TIAM2: variants seen among roughly 807,000 people sequenced by gnomAD.
TIAM2 encodes rho guanine nucleotide exchange factor TIAM2.
Under a neutral mutation model 152.9 loss-of-function variants are expected in TIAM2, and 80 were observed. That is an observed-to-expected ratio of 0.52 (90% CI 0.44 to 0.63). TIAM2 has a LOEUF of 0.63. Among genes scored for constraint, TIAM2 ranks in the 30% least tolerant of loss-of-function variants. The probability of loss-of-function intolerance (pLI) is 0.00; values close to 1 mark genes in which losing one functional copy is unlikely to be tolerated. For synonymous variants in TIAM2, 804 were observed against 838.0 expected (o/e 0.96, Z 0.70); for missense variants, 1,965 against 2,120.1 (o/e 0.93, Z 1.44).
intron 2 of TIAM2, among the ~76,000 whole-genome samples, chr6:155,108,179 G>A (rs1305750759): frequency 2.6e-5 from 4 of 152,176 alleles, no homozygotes; most frequent in Admixed American, 6.5e-5. Flanking sequence ...GGCAGGCTAC[G>A]TGGGTTCGTT....
Position 155,253,372 on chromosome 6 carries a change from A to G in TIAM2, c.4225+319A>G, listed in dbSNP as rs557553697. Reference sequence around the variant, plus strand: ...CAAAGATCCACAAATTTATGTTTTTACAAATTTAGAATATAGCAGAAAATT... The same window carrying G: ...CAAAGATCCACAAATTTATGTTTTTGCAAATTTAGAATATAGCAGAAAATT... On this transcript the variant is annotated intron_variant, in intron 24 of 26. Transcript: ENST00000682666. The G allele has an allele frequency of 2.4e-5, 7 of 292,822 alleles. 1 individual carries two copies. The East Asian group carries it at 5.0e-4, about 21-fold the overall frequency. 18.1% of individuals were successfully genotyped at this position (292,822 alleles called of 1,614,324 possible). A position where few individuals can be genotyped will look rare whatever the true frequency, so the allele number is the denominator to read the frequency against.
chr6:155,116,191 G>A lies in TIAM2; in HGVS notation c.-117-11299G>A, dbSNP rs180815416. Among the ~76,000 whole-genome samples, 478 of 152,292 alleles carry A rather than the reference G, an allele frequency of 3.1e-3. 2 individuals carry two copies. Among genetic ancestry groups the A allele is most frequent in the African/African-American group, 0.011 (462 of 41,562 alleles). ...AAAAATGTTAAATTTCTATAAATTAGCAAATTTAAACTATACCAACTAGTA... is the reference window on the plus strand; with the variant it reads ...AAAAATGTTAAATTTCTATAAATTAACAAATTTAAACTATACCAACTAGTA... On this transcript the variant is annotated intron_variant, in intron 2 of 26. Transcript: ENST00000682666.
intron 7 of TIAM2, chr6:155,149,072 G>T (rs923665452): frequency 6.0e-6 from 1 of 167,114 alleles, no homozygotes; most frequent in Admixed American, 6.5e-5. Flanking sequence ...TGGAGTGAGG[G>T]AGCAGGATCT....
chr6:155,123,185 GTTT>G (rs34702441), intron 2 of TIAM2, among the ~76,000 whole-genome samples: 1 of 148,072 alleles, frequency 6.8e-6, no homozygotes, highest in African/African-American at 2.5e-5. Context: ...GTTTAAGGCT[GTTT>G]TTTTTTTTCT....
Position 155,129,818 on chromosome 6 carries a change from A to T in TIAM2, c.595A>T (p.Arg199Trp). 1 of 1,613,646 alleles carries T rather than the reference A, an allele frequency of 6.2e-7. No individual in the cohort carries two copies. The highest frequency in any genetic ancestry group is 8.5e-7 in the Non-Finnish European group (1 of 1,180,022). ...EDCSEPVQLL[R>W]YSPTLASETS... Reference sequence around the variant, plus strand: ...CTGCAGTGAGCCGGTGCAGCTGCTGAGGTACTCACCTACCTTAGCATCGGA... The same window carrying T: ...CTGCAGTGAGCCGGTGCAGCTGCTGTGGTACTCACCTACCTTAGCATCGGA... The change falls in exon 4 of 27, where the codon AGG (arginine) becomes TGG (tryptophan). Residue 199 changes from arginine to tryptophan, a missense_variant. This residue lies in a region of TIAM2 where 1,025 missense variants were observed against 1,119.4 expected (regional missense o/e 0.92). Transcript: ENST00000682666. This position sits in a 1 kb window ranked among gnomAD's most constrained non-coding sequence, Gnocchi z 4.8.
chr6:155,033,667 C>A (rs190540070), intron 1 of TIAM2, among the ~76,000 whole-genome samples: 10 of 151,870 alleles, frequency 6.6e-5, no homozygotes, highest in African/African-American at 2.4e-4. Flanking sequence ...GAAGTAACTT[C>A]TGCCATTGGC....
At chr6:155,239,494 T>C (rs539650190) in intron 15 of TIAM2, among the ~76,000 whole-genome samples, 15 of 152,208 alleles carry the variant, frequency 9.9e-5, no homozygotes, top group Non-Finnish European at 2.2e-4. Flanking sequence ...AAGGACACTT[T>C]GTAATCTGAC....
In TIAM2 at chr6:155,129,505, C is replaced by T. The variant is rs1189193585; in HGVS notation, c.282C>T (p.His94=). The T allele has an allele frequency of 2.5e-6, 4 of 1,614,178 alleles. No homozygotes were observed. The highest frequency in any genetic ancestry group is 2.2e-5 in the East Asian group (1 of 44,864). The change falls in exon 4 of 27, where the codon CAC becomes CAT. Residue 94 remains histidine (H), a synonymous_variant. Coordinates refer to ENST00000682666, the MANE Select transcript of TIAM2 (RefSeq NM_012454.4). The surrounding 1 kb of genome is among the most constrained non-coding windows in gnomAD (Gnocchi z 4.8). ...CCAGAGGTGTTGCCTACTCCACGCA[C>T]AGGACAAATGCCCCAGGGAAGGATT... ...KVSRGVAYST[H]RTNAPGKDFQ... is the part of the protein sequence containing the mutation.
rs376419065 is a variant in TIAM2, at chr6:155,256,640, A to G, written c.4625A>G (p.Lys1542Arg). Reference protein sequence around the residue: ...CPTAEGRQDSKSTSPGKYPHP... With the variant: ...CPTAEGRQDSRSTSPGKYPHP... ...ACGGCTGAGGGCAGGCAGGACTCCA[A>G]GAGCACTTCTCCCGGGAAATACCCA... The change falls in exon 27 of 27, where the codon AAG becomes AGG. Residue 1542 changes from lysine (K) to arginine (R), a missense_variant. This residue lies in a region of TIAM2 where 935 missense variants were observed against 980.0 expected (regional missense o/e 0.95). Coordinates refer to ENST00000682666, the MANE Select transcript of TIAM2 (RefSeq NM_012454.4). 3.1e-6 allele frequency: 5 copies of G among 1,614,230 alleles called. 1 individual carries two copies. Among genetic ancestry groups the G allele is most frequent in the Admixed American group, 3.3e-5 (2 of 60,030 alleles).
chr6:155,111,298 TACACACACACACACACACAC>T (rs57988099), intron 2 of TIAM2, among the ~76,000 whole-genome samples: 38 of 138,448 alleles, frequency 2.7e-4, no homozygotes, highest in East Asian at 2.0e-3. Context: ...ATTCTTGGAA[TACACACACACACACACACAC>T]ACACACACAC....
At chr6:155,096,333 A>T (rs1778420278) in intron 2 of TIAM2, among the ~76,000 whole-genome samples, 2 of 152,162 alleles carry the variant, frequency 1.3e-5, no homozygotes, top group South Asian at 4.1e-4. Context: ...TACCTTAAAT[A>T]TTTGTGTTTT....
intron 15 of TIAM2, among the ~76,000 whole-genome samples, chr6:155,212,077 A>G (rs551691217): frequency 2.0e-5 from 3 of 152,224 alleles, no homozygotes; most frequent in African/African-American, 7.2e-5. Context: ...GTAATATTCC[A>G]TTATACGGAT....
At chr6:155,172,641 AATATATATATATATATATATATATAT>A (rs71023629) in intron 9 of TIAM2, among the ~76,000 whole-genome samples, 18 of 39,442 alleles carry the variant, frequency 4.6e-4, no homozygotes, top group South Asian at 1.9e-3. Context: ...GCTAGTTGGA[AATATATATATATATATATATATATAT>A]ATATATATAT....
intron 1 of TIAM2, among the ~76,000 whole-genome samples, chr6:155,007,526 T>G (rs1440202540): frequency 6.6e-6 from 1 of 152,130 alleles, no homozygotes; most frequent in East Asian, 1.9e-4. Context: ...ATCTGGTTTC[T>G]AAAGAAGAGG....
At chr6:155,103,239 C>G (rs531636316) in intron 2 of TIAM2, among the ~76,000 whole-genome samples, 1 of 152,192 alleles carries the variant, frequency 6.6e-6, no homozygotes, top group East Asian at 1.9e-4. Context: ...CCCCAAGTGA[C>G]TTTATAAATT....
rs567096239 is a variant in TIAM2, at chr6:155,128,707, A to C, written c.-6-511A>C. 5.9e-3 allele frequency among the ~76,000 whole-genome samples: 897 copies of C among 151,790 alleles called. 4 individuals carry two copies. The highest frequency in any genetic ancestry group is 9.7e-3 in the Non-Finnish European group (657 of 67,924). ...GAGACCCCATATCTTTAAAAAAAAAAAAAAACCCCGAGCTTGAGAGTGGTA... is the reference window on the plus strand; with the variant it reads ...GAGACCCCATATCTTTAAAAAAAAACAAAAACCCCGAGCTTGAGAGTGGTA... On this transcript the variant is annotated intron_variant, in intron 3 of 26. Coordinates refer to ENST00000682666, the MANE Select transcript of TIAM2 (RefSeq NM_012454.4).
intron 16 of TIAM2, 54 bp downstream of exon 16, chr6:155,240,763 G>T: frequency 6.4e-7 from 1 of 1,553,184 alleles, no homozygotes; most frequent in Non-Finnish European, 8.7e-7. Flanking sequence ...ATGGCAAGTG[G>T]TATGCTGGCA....
At chr6:155,208,857 C>T (rs1025784214) in intron 14 of TIAM2, among the ~76,000 whole-genome samples, 2 of 152,044 alleles carry the variant, frequency 1.3e-5, no homozygotes, top group Non-Finnish European at 2.9e-5. Context: ...ATCGAGGACA[C>T]TCTTCCATCT....
intron 14 of TIAM2, among the ~76,000 whole-genome samples, chr6:155,197,376 T>G (rs1271612215): frequency 6.6e-6 from 1 of 152,224 alleles, no homozygotes; most frequent in Non-Finnish European, 1.5e-5. Flanking sequence ...TTATTGAATT[T>G]TGTCATTATT....
Sources: allele counts gnomAD v4.1 joint callset (sites outside exome capture counted in the v4.1 genomes callset), GRCh38; gene constraint gnomAD v4.1.1; regional missense constraint gnomAD v4.1.1; non-coding constraint Gnocchi (gnomAD v3.1); transcripts MANE v1.5; gene names NCBI Gene and HGNC (gene_info 2026-07-23, HGNC 2026-07-21).